UQCRC2: variants seen among roughly 807,000 people sequenced by gnomAD.
UQCRC2 encodes the protein ubiquinol-cytochrome c reductase core protein 2.
In UQCRC2, 49 loss-of-function variants were observed where a neutral mutation model predicts 55.6. The ratio of observed to expected loss-of-function variants is 0.88; its 90% CI spans 0.70 to 1.12. UQCRC2 has a LOEUF of 1.12. UQCRC2 is among the 50% of genes most tolerant of loss of function. The probability of loss-of-function intolerance (pLI) is 0.00; values close to 1 mark genes in which losing one functional copy is unlikely to be tolerated. For missense variants in UQCRC2, 506 were observed against 547.8 expected, an observed-to-expected ratio of 0.92 and a Z score of 0.76; for synonymous variants, 193 against 192.0, an observed-to-expected ratio of 1.01 and a Z score of -0.04.
Position 21,972,042 on chromosome 16 carries a change from G to A in UQCRC2, c.886G>A (p.Gly296Arg), listed in dbSNP as rs755416485. Residue 296 changes from glycine to arginine, a missense_variant, in exon 10 of 14, where the codon GGG becomes AGG. Physicochemically the swap from Gly to Arg is moderately radical, Grantham distance 125 (BLOSUM62 -2). Transcript: ENST00000268379. ...FSVLQHVLGA[G>R]PHVKRGSNTT... is the part of the protein sequence containing the mutation. Reference sequence around the variant, plus strand: ...TGTTCTTCAGCATGTCCTCGGTGCTGGGCCACATGTCAAGAGGGGCAGCAA... The same window carrying A: ...TGTTCTTCAGCATGTCCTCGGTGCTAGGCCACATGTCAAGAGGGGCAGCAA... The A allele has an allele frequency of 6.2e-7, 1 of 1,614,154 alleles. No homozygotes were observed. Among genetic ancestry groups the A allele is most frequent in the Non-Finnish European group, 8.5e-7 (1 of 1,180,018 alleles).
rs139500759 is a variant in UQCRC2, at chr16:21,962,796, C to G, written c.425C>G (p.Thr142Arg). 6.2e-7 allele frequency: 1 copy of G among 1,614,144 alleles called. No homozygotes were observed. The highest frequency in any genetic ancestry group is 2.2e-5 in the East Asian group (1 of 44,882). The change falls in exon 6 of 14, where the codon ACA becomes AGA. Residue 142 changes from threonine (T) to arginine (R), a missense_variant. Physicochemically the swap from Thr to Arg is moderately conservative, Grantham distance 71 (BLOSUM62 -1). Transcript: ENST00000268379. ...ATGGAGTTCCTGCTCAATGTCACCA[C>G]AGCACCAGAATTTCGTCGTTGGGAA... is the stretch of plus-strand genomic sequence containing the variant. The part of the protein sequence containing the change: ...ILMEFLLNVT[T>R]APEFRRWEVA...
At chr16:21,971,818 A>C in intron 9 of UQCRC2, 105 bp from the exon 10 acceptor site, 1 of 1,524,764 alleles carries the variant, frequency 6.6e-7, no homozygotes, top group Non-Finnish European at 9.0e-7. Flanking sequence ...ACCGAGCTGC[A>C]GAAAAGACTC....
chr16:21,956,517 G>A (rs141442034), intron 1 of UQCRC2, among the ~76,000 whole-genome samples: 3 of 152,198 alleles, frequency 2.0e-5, no homozygotes, highest in Admixed American at 6.5e-5. Flanking sequence ...GCACTCCAGC[G>A]TGGGACACAG....
Position 21,973,926 on chromosome 16 carries a change from T to G in UQCRC2, c.997T>G (p.Ser333Ala). ...TGCATTTAATGCCAGTTACTCAGAT[T>G]CTGGACTCTTTGGGATTTATACTAT... ...VSAFNASYSD[S>A]GLFGIYTISQ... The change falls in exon 11 of 14, where the codon TCT (serine) becomes GCT (alanine). Residue 333 changes from serine to alanine, a missense_variant. Coordinates refer to ENST00000268379, the MANE Select transcript of UQCRC2 (RefSeq NM_003366.4). 6.2e-7 allele frequency: 1 copy of G among 1,613,152 alleles called. No individual in the cohort carries two copies. The highest frequency in any genetic ancestry group is 8.5e-7 in the Non-Finnish European group (1 of 1,179,668).
chr16:21,969,595 A>G (rs969866314), intron 8 of UQCRC2, among the ~76,000 whole-genome samples: 1 of 152,228 alleles, frequency 6.6e-6, no homozygotes, highest in Non-Finnish European at 1.5e-5. Context: ...TTTGTCTTAC[A>G]GAAACATTAG....
intron 8 of UQCRC2, 126 bp downstream of exon 8, chr16:21,968,811 CA>C: frequency 1.5e-6 from 1 of 675,958 alleles, no homozygotes. Context: ...GTCAGACAGG[CA>C]ATATATCATA....
chr16:21,956,825 G>GA, intron 1 of UQCRC2, among the ~76,000 whole-genome samples: 1 of 152,170 alleles, frequency 6.6e-6, no homozygotes, highest in Non-Finnish European at 1.5e-5. Context: ...CACTTTGGGA[G>GA]ACCAAGGTGG....
chr16:21,972,186 C>A (rs1231916651), intron 10 of UQCRC2, 64 bp downstream of exon 10: 3 of 1,515,926 alleles, frequency 2.0e-6, no homozygotes. Flanking sequence ...AGATATAATT[C>A]TGATAATCTA....
chr16:21,975,172 G>C (rs1350367035), intron 11 of UQCRC2, among the ~76,000 whole-genome samples: 3 of 152,172 alleles, frequency 2.0e-5, no homozygotes, highest in Non-Finnish European at 4.4e-5. Flanking sequence ...AGAAGTATGA[G>C]GAGATAGCAA....
In UQCRC2 at chr16:21,980,620, G is replaced by T; in HGVS notation, c.1198G>T (p.Ala400Ser). ...ECFLEEVGSQ[A>S]LVAGSYMPPS... ...TTTCCTGGAAGAAGTCGGGTCCCAG[G>T]CTCTAGTTGCTGGTTCTTACATGCC... Residue 400 changes from alanine to serine, a missense_variant, in exon 13 of 14, where the codon GCT becomes TCT. Physicochemically the swap from Ala to Ser is moderately conservative, Grantham distance 99 (BLOSUM62 1). Transcript: ENST00000268379. 3 of 1,614,132 alleles carry T rather than the reference G, an allele frequency of 1.9e-6. No homozygotes were observed. Among genetic ancestry groups the T allele is most frequent in the Non-Finnish European group, 2.5e-6 (3 of 1,180,006 alleles).
At chr16:21,974,784 C>T (rs886281722) in intron 11 of UQCRC2, among the ~76,000 whole-genome samples, 2 of 152,146 alleles carry the variant, frequency 1.3e-5, no homozygotes, top group African/African-American at 4.8e-5. Context: ...TGGCTCAAGT[C>T]TGAGAAAGGA....
intron 13 of UQCRC2, 66 bp downstream of exon 13, chr16:21,980,766 G>A (rs1898704646): frequency 6.3e-7 from 1 of 1,576,066 alleles, no homozygotes; most frequent in Non-Finnish European, 8.7e-7. Flanking sequence ...AATTTCAGAA[G>A]GATGCATAAG....
At chr16:21,955,063 A>AAG (rs1422250736) in intron 1 of UQCRC2, among the ~76,000 whole-genome samples, 3 of 151,608 alleles carry the variant, frequency 2.0e-5, no homozygotes, top group Non-Finnish European at 4.4e-5. Flanking sequence ...TCAAAAAAAA[A>AAG]AAAAAAAAAA....
intron 8 of UQCRC2, among the ~76,000 whole-genome samples, chr16:21,970,702 C>T (rs1045877816): frequency 6.6e-6 from 1 of 152,202 alleles, no homozygotes; most frequent in Non-Finnish European, 1.5e-5. Flanking sequence ...TCTCCGGCCT[C>T]AGCCTCCCGA....
At chr16:21,957,647 C>G (rs928669678) in intron 3 of UQCRC2, 81 bp downstream of exon 3, 1 of 1,508,310 alleles carries the variant, frequency 6.6e-7, no homozygotes, top group Admixed American at 2.2e-5. Flanking sequence ...AGATCAATGT[C>G]TTTATATTTT....
Position 21,971,829 on chromosome 16 carries a change from G to A in UQCRC2, c.767-94G>A, listed in dbSNP as rs113258817. The A allele has an allele frequency of 4.8e-5, 74 of 1,553,454 alleles. 2 individuals are homozygous for A. The East Asian group carries it at 5.0e-4, about 10-fold the overall frequency. On this transcript the variant is annotated intron_variant, in intron 9 of 13. Transcript: ENST00000268379. ...AAGCACCGAGCTGCAGAAAAGACTC[G>A]TGGGTTAATACTGTGTTGTAGGAAA...
chr16:21,971,481 T>C, intron 8 of UQCRC2, 44 bp from the exon 9 acceptor site: 1 of 1,454,180 alleles, frequency 6.9e-7, no homozygotes, highest in Non-Finnish European at 9.5e-7. Flanking sequence ...GATTGTGTTT[T>C]AGTAATTGTG....
At chr16:21,958,493 G>T (rs1272691883) in intron 3 of UQCRC2, 42 bp from the exon 4 acceptor site, 11 of 1,580,688 alleles carry the variant, frequency 7.0e-6, no homozygotes, top group Non-Finnish European at 9.5e-6. Flanking sequence ...GGCAAACTTG[G>T]CATTGAAAAG....
chr16:21,980,434 T>C, intron 12 of UQCRC2, 113 bp from the exon 13 acceptor site: 1 of 1,120,862 alleles, frequency 8.9e-7, no homozygotes, highest in Non-Finnish European at 1.3e-6. Flanking sequence ...GGAGACACGC[T>C]GTTACTCTAT....
Sources: gnomAD v4.1 joint callset for allele counts (sites outside exome capture counted in the v4.1 genomes callset) on GRCh38, gnomAD v4.1.1 for gene constraint, MANE v1.5 for transcripts, NCBI Gene and HGNC (gene_info 2026-07-23, HGNC 2026-07-21) for gene names.